Variants in ADARB1 observed in about 807,000 individuals in gnomAD.
ADARB1 encodes double-stranded RNA-specific editase 1.
Under a neutral mutation model 52.4 loss-of-function variants are expected in ADARB1, and 10 were observed. The ratio of observed to expected loss-of-function variants is 0.19; its 90% CI spans 0.12 to 0.32. The LOEUF is 0.32. Among genes scored for constraint, ADARB1 ranks in the 10% least tolerant of loss-of-function variants. The probability of loss-of-function intolerance (pLI) is 1.00; values close to 1 mark genes in which losing one functional copy is unlikely to be tolerated. For missense variants in ADARB1, 643 were observed against 922.3 expected, an observed-to-expected ratio of 0.70 and a Z score of 3.92; for synonymous variants, 349 against 371.1, an observed-to-expected ratio of 0.94 and a Z score of 0.68.
intron 4 of ADARB1, among the ~76,000 whole-genome samples, chr21:45,179,925 AG>A (rs992101612): frequency 1.3e-5 from 2 of 150,704 alleles, no homozygotes; most frequent in Admixed American, 6.6e-5. Context: ...TGCATGTGAG[AG>A]AGGGCAAGGG....
chr21:45,114,686 A>C (rs949050084), intron 1 of ADARB1, among the ~76,000 whole-genome samples: 1 of 152,240 alleles, frequency 6.6e-6, no homozygotes, highest in African/African-American at 2.4e-5. Flanking sequence ...CATTGTCATC[A>C]TCACCTCCAG....
chr21:45,159,943 TGAAAG>T (rs1601676648), intron 2 of ADARB1, among the ~76,000 whole-genome samples: 3 of 152,372 alleles, frequency 2.0e-5, no homozygotes, highest in East Asian at 3.9e-4. Flanking sequence ...TTCTGCAAAA[TGAAAG>T]GAAACTTTCA....
At chr21:45,113,056 A>G (rs922289951) in intron 1 of ADARB1, among the ~76,000 whole-genome samples, 9 of 152,140 alleles carry the variant, frequency 5.9e-5, no homozygotes, top group African/African-American at 1.9e-4. Context: ...GTGAAAAGGG[A>G]AATCTACTTG....
intron 2 of ADARB1, among the ~76,000 whole-genome samples, chr21:45,130,699 T>C (rs2088878339): frequency 6.6e-6 from 1 of 152,204 alleles, no homozygotes; most frequent in Non-Finnish European, 1.5e-5. Flanking sequence ...GGTCCTGCCT[T>C]AGTGCTGTCT....
chr21:45,147,476 C>T (rs530367550), intron 2 of ADARB1, among the ~76,000 whole-genome samples: 3 of 152,302 alleles, frequency 2.0e-5, no homozygotes, highest in Admixed American at 6.5e-5. Flanking sequence ...TGCACAGATG[C>T]GTGCTTAGGT....
chr21:45,153,699 G>T (rs1044071847), intron 2 of ADARB1, among the ~76,000 whole-genome samples: 2 of 152,204 alleles, frequency 1.3e-5, no homozygotes, highest in African/African-American at 4.8e-5. Context: ...GTCTGTGTCT[G>T]GGAGTGGGGA....
intron 1 of ADARB1, among the ~76,000 whole-genome samples, chr21:45,078,053 AATTTTT>A (rs1437287475): frequency 6.7e-6 from 1 of 150,370 alleles, no homozygotes; most frequent in Admixed American, 6.6e-5. Flanking sequence ...AAATTATCAC[AATTTTT>A]TTTTTTTGGT....
At chr21:45,171,911 GC>G (rs1212894828) in intron 3 of ADARB1, among the ~76,000 whole-genome samples, 13 of 152,104 alleles carry the variant, frequency 8.5e-5, no homozygotes, top group Admixed American at 8.5e-4. Context: ...GCATCACTGT[GC>G]CCCGTGGAAT....
Position 45,221,969 on chromosome 21 carries a change from C to T in ADARB1, c.1927-49C>T. 1.3e-6 allele frequency: 2 copies of T among 1,581,126 alleles called. No homozygotes were observed. The highest frequency in any genetic ancestry group is 8.7e-7 in the Non-Finnish European group (1 of 1,154,368). ...TTGGTATCTTATTAGGTGTTGTTTT[C>T]ATCTGTTACAGCGTCAACAGTTGCA... On this transcript the variant is annotated intron_variant, in intron 10 of 10. Transcript: ENST00000348831. The surrounding 1 kb of genome is among the most constrained non-coding windows in gnomAD (Gnocchi z 4.9).
rs775650259 is a variant in ADARB1, at chr21:45,220,813, C to T, written c.1748-23C>T. ...GGGGGTGAAAGCGGGCTTCACACCA[C>T]CTTCCTGTGTCTTCCGTTTCAGGCA... On this transcript the variant is annotated intron_variant, in intron 9 of 10. Coordinates refer to ENST00000348831, the MANE Select transcript of ADARB1 (RefSeq NM_001112.4). The surrounding 1 kb of genome is among the most constrained non-coding windows in gnomAD (Gnocchi z 6.3). The T allele has an allele frequency of 1.2e-6, 2 of 1,608,570 alleles. No homozygotes were observed. The highest frequency in any genetic ancestry group is 1.3e-5 in the African/African-American group (1 of 74,876).
At chr21:45,198,513 A>G (rs890921577) in intron 8 of ADARB1, among the ~76,000 whole-genome samples, 2 of 151,730 alleles carry the variant, frequency 1.3e-5, no homozygotes, top group Admixed American at 1.3e-4. Context: ...ACACACACAC[A>G]CACACACATA....
At chr21:45,092,732 A>T (rs2086607202) in intron 1 of ADARB1, among the ~76,000 whole-genome samples, 1 of 152,212 alleles carries the variant, frequency 6.6e-6, no homozygotes, top group Admixed American at 6.5e-5. Context: ...AATATTAGGG[A>T]TTATTCCAAA....
chr21:45,077,404 G>C (rs539825419), intron 1 of ADARB1, among the ~76,000 whole-genome samples: 1 of 152,272 alleles, frequency 6.6e-6, no homozygotes, highest in East Asian at 1.9e-4. Context: ...GGTGGCTCAC[G>C]CCTGTAATCC....
chr21:45,204,579 A>C lies in ADARB1; in HGVS notation c.1590A>C (p.Gly530=). ...GCTGGAACGTGGTGGGCATCCAGGG[A>C]TCCCTGCTCAGCATTTTCGTGGAGC... ...IARWNVVGIQ[G]SLLSIFVEPI... The change falls in exon 9 of 11, where the codon GGA becomes GGC. Residue 530 remains glycine (G), a synonymous_variant. Coordinates refer to ENST00000348831, the MANE Select transcript of ADARB1 (RefSeq NM_001112.4). The surrounding 1 kb of genome is among the most constrained non-coding windows in gnomAD (Gnocchi z 4.4). 1 of 1,614,036 alleles carries C rather than the reference A, an allele frequency of 6.2e-7. No homozygotes were observed. Among genetic ancestry groups the C allele is most frequent in the Non-Finnish European group, 8.5e-7 (1 of 1,180,002 alleles).
chr21:45,191,697 A>G (rs1291485053), intron 8 of ADARB1, among the ~76,000 whole-genome samples: 1 of 151,604 alleles, frequency 6.6e-6, no homozygotes, highest in Non-Finnish European at 1.5e-5. Flanking sequence ...AAATAGGCCT[A>G]TACTTTTTCT....
chr21:45,144,540 A>G (rs1458396922), intron 2 of ADARB1: 1 of 385,996 alleles, frequency 2.6e-6, no homozygotes. Context: ...ACCATACCTG[A>G]TACAGTAAAT....
In ADARB1 at chr21:45,224,107, C is replaced by A; in HGVS notation, c.*1910C>A. ...GCTCTTGCACACTCTAGAAAAAACA[C>A]CTTGTAAGTCTGTGCATTTTTATTG... On this transcript the variant is annotated 3_prime_UTR_variant, in exon 11 of 11. Transcript: ENST00000348831. The A allele has an allele frequency of 3.0e-6, 3 of 985,408 alleles. No individual in the cohort carries two copies. The highest frequency in any genetic ancestry group is 3.6e-6 in the Non-Finnish European group (3 of 829,938). The allele number at this position is 985,408 out of a possible 1,614,324, so 61.0% of individuals were successfully genotyped here.
intron 9 of ADARB1, among the ~76,000 whole-genome samples, chr21:45,209,979 G>A (rs919922263): frequency 6.6e-6 from 1 of 152,202 alleles, no homozygotes; most frequent in Non-Finnish European, 1.5e-5. Flanking sequence ...CCTGACTTCT[G>A]TCACCATCTC....
intron 1 of ADARB1, among the ~76,000 whole-genome samples, chr21:45,091,625 C>T (rs1376212135): frequency 6.6e-6 from 1 of 152,204 alleles, no homozygotes; most frequent in Non-Finnish European, 1.5e-5. Context: ...GCCTGGGTGA[C>T]TGTGTCTTCT....
Sources: allele counts gnomAD v4.1 joint callset (sites outside exome capture counted in the v4.1 genomes callset), GRCh38; gene constraint gnomAD v4.1.1; non-coding constraint Gnocchi (gnomAD v3.1); transcripts MANE v1.5; gene names NCBI Gene and HGNC (gene_info 2026-07-23, HGNC 2026-07-21).